The following ADAMTS12 variants were observed in gnomAD, a reference collection of about 807,000 sequenced individuals.
ADAMTS12 encodes the protein ADAM metallopeptidase with thrombospondin type 1 motif 12.
In ADAMTS12, 118 loss-of-function variants were observed where a neutral mutation model predicts 167.8. That is an observed-to-expected ratio of 0.70 (90% CI 0.61 to 0.82). ADAMTS12 has a LOEUF of 0.82. ADAMTS12 is among the 40% of genes least tolerant of loss of function. The pLI, the probability that ADAMTS12 is intolerant of heterozygous loss-of-function variation, is 0.00. For missense variants in ADAMTS12, 1,916 were observed against 1,998.8 expected (o/e 0.96, Z 0.79); for synonymous variants, 704 against 716.9 (o/e 0.98, Z 0.29).
At chr5:33,682,927 C>T in intron 5 of ADAMTS12, 91 bp downstream of exon 5, 1 of 1,006,730 alleles carries the variant, frequency 9.9e-7, no homozygotes, top group East Asian at 2.5e-5. Flanking sequence ...TTTCTGGTAC[C>T]CTCTTTCTTG....
Position 33,576,254 on chromosome 5 carries a change from C to A in ADAMTS12, c.3772G>T (p.Glu1258Ter). 6.2e-7 allele frequency: 1 copy of A among 1,614,194 alleles called. No individual in the cohort carries two copies. Among genetic ancestry groups the A allele is most frequent in the Non-Finnish European group, 8.5e-7 (1 of 1,180,030 alleles). ...LLPLGGDHQP[E>*]PSGKTANRNH... ...CGGTTTGCCGTCTTTCCTGAGGGTTCTGGCTGGTGGTCTCCTCCCAGAGGG... is the reference window on the plus strand; with the variant it reads ...CGGTTTGCCGTCTTTCCTGAGGGTTATGGCTGGTGGTCTCCTCCCAGAGGG... The change falls in exon 19 of 24, where the codon GAA (glutamate) becomes TAA (stop). Residue 1258 changes from glutamate to a stop codon, truncating the protein, a stop_gained. Coordinates refer to ENST00000504830, the MANE Select transcript of ADAMTS12 (RefSeq NM_030955.4). LOFTEE classifies it high-confidence loss of function.
At chr5:33,590,316 T>C (rs986623276) in intron 17 of ADAMTS12, among the ~76,000 whole-genome samples, 12 of 152,370 alleles carry the variant, frequency 7.9e-5, no homozygotes, top group African/African-American at 2.4e-4. Flanking sequence ...CCTGTGATTT[T>C]GCTATAGTCT....
intron 19 of ADAMTS12, among the ~76,000 whole-genome samples, chr5:33,575,201 GA>G (rs966312059): frequency 2.0e-5 from 3 of 151,718 alleles, no homozygotes; most frequent in Admixed American, 6.6e-5. Flanking sequence ...AAAAAGAAAA[GA>G]AAAAAAATCA....
intron 3 of ADAMTS12, among the ~76,000 whole-genome samples, chr5:33,699,777 A>T (rs1465431679): frequency 6.6e-6 from 1 of 152,244 alleles, no homozygotes; most frequent in Non-Finnish European, 1.5e-5. Context: ...ATGAAAAGAC[A>T]AACTACCTAT....
intron 13 of ADAMTS12, among the ~76,000 whole-genome samples, chr5:33,626,303 C>A (rs555996184): frequency 2.2e-5 from 3 of 136,310 alleles, no homozygotes; most frequent in Non-Finnish European, 4.7e-5. Flanking sequence ...GATGGTGCTG[C>A]GGGGTAATGG....
chr5:33,668,658 T>C (rs1008870063), intron 5 of ADAMTS12, among the ~76,000 whole-genome samples: 1 of 152,172 alleles, frequency 6.6e-6, no homozygotes, highest in Non-Finnish European at 1.5e-5. Context: ...ACTTTTTCTA[T>C]TTTTCGGTAG....
intron 12 of ADAMTS12, 124 bp from the exon 13 acceptor site, chr5:33,631,037 C>A: frequency 9.3e-7 from 1 of 1,078,134 alleles, no homozygotes; most frequent in Non-Finnish European, 1.3e-6. Context: ...CTTTTCACCT[C>A]CTTGAGACAC....
chr5:33,697,032 C>T (rs2112289101), intron 3 of ADAMTS12, among the ~76,000 whole-genome samples: 1 of 152,284 alleles, frequency 6.6e-6, no homozygotes, highest in African/African-American at 2.4e-5. Context: ...TTATTACATA[C>T]CTCCCTCTGT....
chr5:33,543,643 C>A (rs1037186670), intron 22 of ADAMTS12, among the ~76,000 whole-genome samples: 3 of 152,188 alleles, frequency 2.0e-5, no homozygotes, highest in Non-Finnish European at 4.4e-5. Context: ...TCAAGGAGCA[C>A]ATCAAAAAGC....
chr5:33,835,105 T>C (rs1210825927), intron 2 of ADAMTS12, among the ~76,000 whole-genome samples: 1 of 152,204 alleles, frequency 6.6e-6, no homozygotes. Flanking sequence ...TGAAATTGAA[T>C]CTGTTTTTAG....
intron 22 of ADAMTS12, among the ~76,000 whole-genome samples, chr5:33,536,993 C>G (rs1015470840): frequency 6.6e-6 from 1 of 152,220 alleles, no homozygotes; most frequent in Non-Finnish European, 1.5e-5. Context: ...GCAGCTGGGG[C>G]AAGGCCTGCC....
intron 3 of ADAMTS12, among the ~76,000 whole-genome samples, chr5:33,711,128 C>T: frequency 6.6e-6 from 1 of 152,150 alleles, no homozygotes; most frequent in Non-Finnish European, 1.5e-5. Context: ...TTATCACCAG[C>T]TCGGGACCTC....
At chr5:33,571,203 C>A (rs1746321081) in intron 19 of ADAMTS12, among the ~76,000 whole-genome samples, 1 of 152,088 alleles carries the variant, frequency 6.6e-6, no homozygotes, top group African/African-American at 2.4e-5. Context: ...AGAAAGTTAA[C>A]AAGGATACCC....
At chr5:33,680,571 T>A (rs952092271) in intron 5 of ADAMTS12, among the ~76,000 whole-genome samples, 1 of 152,180 alleles carries the variant, frequency 6.6e-6, no homozygotes, top group Admixed American at 6.5e-5. Flanking sequence ...GGAATGCCTA[T>A]GTGCTCAACC....
intron 3 of ADAMTS12, among the ~76,000 whole-genome samples, chr5:33,696,406 G>C (rs1323043912): frequency 8.5e-6 from 1 of 117,216 alleles, no homozygotes; most frequent in Non-Finnish European, 1.7e-5. Context: ...GGGCGACAGA[G>C]CAAGACTCCG....
chr5:33,771,708 A>C (rs1745742437), intron 2 of ADAMTS12, among the ~76,000 whole-genome samples: 1 of 151,508 alleles, frequency 6.6e-6, no homozygotes, highest in South Asian at 2.1e-4. Context: ...AAGATGGTAC[A>C]TTTTATATAT....
intron 14 of ADAMTS12, among the ~76,000 whole-genome samples, chr5:33,621,419 AGAATATTCAGGATGTTTGAG>A (rs994155957): frequency 6.9e-6 from 1 of 145,882 alleles, no homozygotes; most frequent in African/African-American, 2.6e-5. Flanking sequence ...AAAAAAAAAA[AGAATATTCAGGATGTTTGAG>A]GATGCGGCAA....
intron 2 of ADAMTS12, chr5:33,840,001 T>C (rs1425295867): frequency 6.6e-6 from 1 of 152,196 alleles, no homozygotes; most frequent in Non-Finnish European, 1.5e-5. Context: ...TAAATGTATT[T>C]TGATGAAAAG....
At chr5:33,578,480 T>C (rs1258697710) in intron 18 of ADAMTS12, among the ~76,000 whole-genome samples, 1 of 152,198 alleles carries the variant, frequency 6.6e-6, no homozygotes, top group Non-Finnish European at 1.5e-5. Context: ...TTTTGATTTA[T>C]TAAAAGCTAT....
Sources: gnomAD v4.1 joint callset for allele counts (sites outside exome capture counted in the v4.1 genomes callset) on GRCh38, gnomAD v4.1.1 for gene constraint, MANE v1.5 for transcripts, NCBI Gene and HGNC (gene_info 2026-07-23, HGNC 2026-07-21) for gene names.